PPARGC1A: variants seen among roughly 807,000 people sequenced by gnomAD.
The protein encoded by PPARGC1A is PPARG coactivator 1 alpha.
A neutral mutation model predicts 88.7 loss-of-function variants in PPARGC1A; 25 were observed. The observed-to-expected ratio is 0.28, with a 90% CI of 0.21 to 0.39. The LOEUF (loss-of-function observed/expected upper bound fraction) is 0.39, where lower values mean the gene tolerates loss of function less well. Ranked by LOEUF, PPARGC1A falls within the 10% of genes least tolerant of loss-of-function variation. The pLI, the probability that PPARGC1A is intolerant of heterozygous loss-of-function variation, is 1.00. For missense variants in PPARGC1A, 880 were observed against 968.7 expected (o/e 0.91, Z 1.22); for synonymous variants, 363 against 355.6 (o/e 1.02, Z -0.24).
chr4:24,037,645 G>A, the PPARGC1A span, among the ~76,000 whole-genome samples: 10 of 152,184 alleles, frequency 6.6e-5, no homozygotes, highest in Non-Finnish European at 1.0e-4. Context: ...CCTGATTACC[G>A]ACAGATTTCC....
the PPARGC1A span, among the ~76,000 whole-genome samples, chr4:24,439,581 A>G: frequency 1.3e-5 from 2 of 152,216 alleles, no homozygotes; most frequent in Non-Finnish European, 2.9e-5. Flanking sequence ...CCTAGGGACT[A>G]TATGGCCACC....
the PPARGC1A span, among the ~76,000 whole-genome samples, chr4:24,351,334 C>A: frequency 6.7e-6 from 1 of 149,380 alleles, no homozygotes. Flanking sequence ...GAGGTTGAGG[C>A]TGCAGTGAGC....
the PPARGC1A span, among the ~76,000 whole-genome samples, chr4:23,995,913 A>G: frequency 1.3e-5 from 2 of 152,198 alleles, no homozygotes; most frequent in African/African-American, 4.8e-5. Context: ...GCAACACAGA[A>G]TGCTTCAGAA....
the PPARGC1A span, among the ~76,000 whole-genome samples, chr4:24,194,668 A>ACACC: frequency 8.2e-5 from 1 of 12,264 alleles, no homozygotes; most frequent in South Asian, 6.5e-3. Flanking sequence ...ACACACACAC[A>ACACC]CCCCCATCAA....
At chr4:23,878,610 T>C (rs181756356) in intron 2 of PPARGC1A, among the ~76,000 whole-genome samples, 1 of 152,252 alleles carries the variant, frequency 6.6e-6, no homozygotes, top group East Asian at 1.9e-4. Flanking sequence ...AAGCCAGATG[T>C]TATCAAGCCG....
chr4:24,454,450 C>T, the PPARGC1A span, among the ~76,000 whole-genome samples: 1 of 152,092 alleles, frequency 6.6e-6, no homozygotes, highest in Admixed American at 6.5e-5. Flanking sequence ...GAAATTCTGC[C>T]TTGGGCCCAG....
At chr4:23,813,657 C>T (rs1338157199) in intron 8 of PPARGC1A, 33 bp downstream of exon 8, 1 of 1,464,568 alleles carries the variant, frequency 6.8e-7, no homozygotes, top group African/African-American at 1.4e-5. Flanking sequence ...TTAGGAACAC[C>T]TTTTGTGTTA....
chr4:24,060,134 A>T, the PPARGC1A span, among the ~76,000 whole-genome samples: 6 of 152,322 alleles, frequency 3.9e-5, no homozygotes, highest in African/African-American at 7.2e-5. Flanking sequence ...AGCTCTGAAG[A>T]TGTGAATAAA....
At chr4:24,330,498 C>A in the PPARGC1A span, among the ~76,000 whole-genome samples, 19 of 152,282 alleles carry the variant, frequency 1.2e-4, no homozygotes. Flanking sequence ...CATGAAGGCA[C>A]TATCTTGCAC....
the PPARGC1A span, among the ~76,000 whole-genome samples, chr4:24,019,823 A>G: frequency 6.6e-6 from 1 of 152,206 alleles, no homozygotes; most frequent in African/African-American, 2.4e-5. Flanking sequence ...TTTGCTCTAC[A>G]TCACCCACAT....
the PPARGC1A span, among the ~76,000 whole-genome samples, chr4:24,393,610 A>C: frequency 6.6e-6 from 1 of 152,202 alleles, no homozygotes; most frequent in Non-Finnish European, 1.5e-5. Flanking sequence ...GAGTAGGGAA[A>C]AGGGCACTTA....
chr4:24,263,733 A>G, the PPARGC1A span, among the ~76,000 whole-genome samples: 1 of 151,968 alleles, frequency 6.6e-6, no homozygotes, highest in Non-Finnish European at 1.5e-5. Flanking sequence ...TGAATAGTAA[A>G]GATATTTTCT....
chr4:23,961,400 G>A, the PPARGC1A span, among the ~76,000 whole-genome samples: 1 of 152,152 alleles, frequency 6.6e-6, no homozygotes, highest in African/African-American at 2.4e-5. Context: ...ATAGGACAGT[G>A]GGAAGTTCTC....
chr4:24,133,961 T>C, the PPARGC1A span, among the ~76,000 whole-genome samples: 1 of 152,282 alleles, frequency 6.6e-6, no homozygotes, highest in African/African-American at 2.4e-5. Context: ...CTCTAAGAAG[T>C]GGTTGAGGTT....
At chr4:24,157,661 G>A in the PPARGC1A span, among the ~76,000 whole-genome samples, 1 of 152,042 alleles carries the variant, frequency 6.6e-6, no homozygotes. Flanking sequence ...AAGCCGAGGA[G>A]TCAGTCCTGT....
At chr4:24,424,953 A>G in the PPARGC1A span, among the ~76,000 whole-genome samples, 1 of 152,184 alleles carries the variant, frequency 6.6e-6, no homozygotes, top group African/African-American at 2.4e-5. Context: ...CAAGCAATCT[A>G]ATATATGACC....
chr4:23,934,915 A>G, the PPARGC1A span, among the ~76,000 whole-genome samples: 1 of 152,188 alleles, frequency 6.6e-6, no homozygotes, highest in African/African-American at 2.4e-5. Context: ...CCAAGGTGGA[A>G]TATCCCACCA....
At chr4:23,936,043 T>C in the PPARGC1A span, among the ~76,000 whole-genome samples, 1 of 152,256 alleles carries the variant, frequency 6.6e-6, no homozygotes, top group Non-Finnish European at 1.5e-5. Context: ...TTGATATTAC[T>C]GCATATGAAT....
the PPARGC1A span, among the ~76,000 whole-genome samples, chr4:24,032,448 G>C: frequency 6.6e-6 from 1 of 152,044 alleles, no homozygotes; most frequent in Non-Finnish European, 1.5e-5. Context: ...GCTCCCAGCT[G>C]ACCACTGAGC....
Sources: allele counts gnomAD v4.1 joint callset (sites outside exome capture counted in the v4.1 genomes callset), GRCh38; gene constraint gnomAD v4.1.1; transcripts MANE v1.5; gene names NCBI Gene and HGNC (gene_info 2026-07-23, HGNC 2026-07-21).